L3MBTL2: variants seen among roughly 807,000 people sequenced by gnomAD.
L3MBTL2 encodes the protein lethal(3)malignant brain tumor-like protein 2.
In L3MBTL2, 49 loss-of-function variants were observed where a neutral mutation model predicts 86.4. The ratio of observed to expected loss-of-function variants is 0.57; its 90% confidence interval spans 0.45 to 0.72. The LOEUF (loss-of-function observed/expected upper bound fraction) is 0.72. Among genes scored for constraint, L3MBTL2 ranks in the 30% least tolerant of loss-of-function variants. The pLI is 0.00. For missense variants in L3MBTL2, 755 were observed against 923.7 expected (o/e 0.82, Z 2.37); for synonymous variants, 336 against 350.6 (o/e 0.96, Z 0.47).
chr22:41,211,573 T>TTTTTTTTC (rs758875511), intron 2 of L3MBTL2, among the ~76,000 whole-genome samples: 1 of 139,498 alleles, frequency 7.2e-6, no homozygotes, highest in Admixed American at 7.1e-5. Context: ...TTTTTTTTTT[T>TTTTTTTTC]TGAGACGGAG....
intron 16 of L3MBTL2, 133 bp downstream of exon 16, chr22:41,229,789 T>TG: frequency 2.8e-6 from 4 of 1,432,694 alleles, no homozygotes; most frequent in Non-Finnish European, 3.9e-6. Flanking sequence ...CAAGCAGTCC[T>TG]GTACCACTGG....
At chr22:41,220,112 C>G (rs1264855116) in intron 6 of L3MBTL2, among the ~76,000 whole-genome samples, 1 of 152,050 alleles carries the variant, frequency 6.6e-6, no homozygotes, top group African/African-American at 2.4e-5. Flanking sequence ...ACTTTGGAGG[C>G]AGAGGCAGGA....
At chr22:41,220,078 G>A (rs905460442) in intron 6 of L3MBTL2, among the ~76,000 whole-genome samples, 1 of 152,178 alleles carries the variant, frequency 6.6e-6, no homozygotes, top group African/African-American at 2.4e-5. Context: ...GCCAGGTTTC[G>A]TGGCTCACAC....
intron 1 of L3MBTL2, among the ~76,000 whole-genome samples, chr22:41,207,533 A>G (rs933474926): frequency 6.6e-6 from 1 of 151,922 alleles, no homozygotes. Context: ...CCCAAACCCT[A>G]TGAAATAGGT....
At chr22:41,221,141 C>A in intron 7 of L3MBTL2, 58 bp from the exon 8 acceptor site, 1 of 1,391,686 alleles carries the variant, frequency 7.2e-7, no homozygotes, top group Non-Finnish European at 9.5e-7. Flanking sequence ...GCGCTAGCGC[C>A]CCTGTCAGTG....
At chr22:41,206,392 A>G (rs984215030) in intron 1 of L3MBTL2, among the ~76,000 whole-genome samples, 1 of 152,136 alleles carries the variant, frequency 6.6e-6, no homozygotes, top group Non-Finnish European at 1.5e-5. Context: ...CGTGATGACA[A>G]CGCACTGCAG....
chr22:41,221,183 G>T lies in L3MBTL2; in HGVS notation c.854-16G>T, dbSNP rs577625262. The T allele has an allele frequency of 3.9e-6, 6 of 1,539,600 alleles. No individual in the cohort carries two copies. In the East Asian group the frequency reaches 1.5e-4, roughly 38 times the overall value. On this transcript the variant is annotated splice_polypyrimidine_tract_variant and intron_variant, in intron 7 of 16. Transcript: ENST00000216237. ...TGTCAGTCTGTGTAACCAGGATTCTGCTGGTGCCTCCACAGCCATCCATGC... is the reference window on the plus strand; with the variant it reads ...TGTCAGTCTGTGTAACCAGGATTCTTCTGGTGCCTCCACAGCCATCCATGC...
In L3MBTL2 at chr22:41,225,200, G is replaced by A. The variant is rs1387610218; in HGVS notation, c.1356+129G>A. 1 of 716,496 alleles carries A rather than the reference G, an allele frequency of 1.4e-6. No homozygotes were observed. The highest frequency in any genetic ancestry group is 2.7e-5 in the East Asian group (1 of 37,198). The allele number at this position is 716,496 out of a possible 1,614,324, so 44.4% of individuals were successfully genotyped here. ...AGCCTCTCATCACTGGCTGCACCCA[G>A]AGTCCCTGACTTTTGTGAGTGGGGC... On this transcript the variant is annotated intron_variant, in intron 11 of 16. Coordinates refer to ENST00000216237, the MANE Select transcript of L3MBTL2 (RefSeq NM_031488.5). The surrounding 1 kb of genome is among the most constrained non-coding windows in gnomAD (Gnocchi z 4.1).
chr22:41,217,991 G>A (rs969808030), intron 5 of L3MBTL2: 2 of 152,198 alleles, frequency 1.3e-5, no homozygotes, highest in African/African-American at 4.8e-5. Flanking sequence ...GCTGGAGGGG[G>A]AGCCTCTTTT....
At position 41,217,150 on chromosome 22, in the gene L3MBTL2, A is replaced by C. The variant is rs1421995587; in HGVS notation, c.548A>C (p.Lys183Thr). 5.6e-6 allele frequency: 9 copies of C among 1,613,836 alleles called. No individual in the cohort carries two copies. The highest frequency in any genetic ancestry group is 1.3e-5 in the African/African-American group (1 of 74,916). Residue 183 changes from lysine (K) to threonine (T), a missense_variant, in exon 5 of 17, where the codon AAG becomes ACG. Around this residue, in one of 3 missense-constraint regions of L3MBTL2, gnomAD observed 634 missense variants for 748.9 expected, o/e 0.85. Transcript: ENST00000216237. ...CTGGTCTTGGGCTTCGACTGGGGGA[A>C]GTTCCTGAAGGATCACAGTTACAAG... Reference protein sequence around the residue: ...DALVLGFDWGKFLKDHSYKAA... With the variant: ...DALVLGFDWGTFLKDHSYKAA...
intron 2 of L3MBTL2, among the ~76,000 whole-genome samples, chr22:41,212,876 CAA>C (rs1180231218): frequency 7.3e-6 from 1 of 137,320 alleles, no homozygotes; most frequent in Non-Finnish European, 1.5e-5. Flanking sequence ...TCCTGGGCAA[CAA>C]GAGCAAAACT....
At chr22:41,217,012 G>T (rs922975778) in intron 4 of L3MBTL2, 111 bp from the exon 5 acceptor site, 2 of 766,370 alleles carry the variant, frequency 2.6e-6, no homozygotes, top group African/African-American at 3.5e-5. Context: ...GAGAGGGGCT[G>T]CTGGGGGTGG....
chr22:41,229,928 T>G (rs955428416), intron 16 of L3MBTL2, among the ~76,000 whole-genome samples: 4 of 152,120 alleles, frequency 2.6e-5, no homozygotes, highest in Non-Finnish European at 5.9e-5. Flanking sequence ...GGTGACAGAT[T>G]GGCACATGGC....
At position 41,216,135 on chromosome 22, in the gene L3MBTL2, C is replaced by G. The variant is rs757007045; in HGVS notation, c.397-4C>G. ...CTACACATAGCCTCTGTCCTCCTCT[C>G]CAGGGAAAACCACCGACCAAAAAAG... is the stretch of plus-strand genomic sequence containing the variant. On this transcript the variant is annotated splice_region_variant and splice_polypyrimidine_tract_variant and intron_variant, in intron 3 of 16. Coordinates refer to ENST00000216237, the MANE Select transcript of L3MBTL2 (RefSeq NM_031488.5). The G allele has an allele frequency of 6.2e-7, 1 of 1,612,020 alleles. No homozygotes were observed. Among genetic ancestry groups the G allele is most frequent in the Non-Finnish European group, 8.5e-7 (1 of 1,179,036 alleles).
intron 6 of L3MBTL2, 21 bp from the exon 7 acceptor site, chr22:41,220,713 T>A: frequency 6.3e-7 from 1 of 1,595,330 alleles, no homozygotes; most frequent in Non-Finnish European, 8.6e-7. Context: ...CCCTCACAGG[T>A]GCCCTTTCCT....
intron 12 of L3MBTL2, 44 bp from the exon 13 acceptor site, chr22:41,226,618 T>C: frequency 1.4e-6 from 2 of 1,404,520 alleles, no homozygotes; most frequent in Non-Finnish European, 2.0e-6. Flanking sequence ...GCCCACTTCC[T>C]GCTTCCCCCT....
chr22:41,211,592 TGTCACCCAGGCTGGAATGCAGTGACATGA>T (rs1453132336), intron 2 of L3MBTL2, among the ~76,000 whole-genome samples: 2 of 121,072 alleles, frequency 1.7e-5, no homozygotes, highest in African/African-American at 6.7e-5. Flanking sequence ...AGTCTTGCTC[TGTCACCCAGGCTGGAATGCAGTGACATGA>T]TCTTGGCTCA....
chr22:41,227,846 A>C lies in L3MBTL2; in HGVS notation c.1865A>C (p.Lys622Thr). Residue 622 changes from lysine (K) to threonine (T), a missense_variant, in exon 15 of 17, where the codon AAA becomes ACA. Coordinates refer to ENST00000216237, the MANE Select transcript of L3MBTL2 (RefSeq NM_031488.5). This position sits in a 1 kb window ranked among gnomAD's most constrained non-coding sequence, Gnocchi z 6.0. Reference protein sequence around the residue: ...PLKAKEATKKKKKQFGKKRKR... With the variant: ...PLKAKEATKKTKKQFGKKRKR... ...AAGGCCAAAGAGGCCACAAAGAAGAAAAAGAAACAGTTTGGGAAGAAAAGT... is the reference window on the plus strand; with the variant it reads ...AAGGCCAAAGAGGCCACAAAGAAGACAAAGAAACAGTTTGGGAAGAAAAGT... The C allele has an allele frequency of 1.2e-6, 2 of 1,613,768 alleles. No homozygotes were observed. The highest frequency in any genetic ancestry group is 2.2e-5 in the East Asian group (1 of 44,862).
Position 41,226,761 on chromosome 22 carries a change from G to A in L3MBTL2, c.1587+17G>A, listed in dbSNP as rs779230539. Reference sequence around the variant, plus strand: ...TTTAACATGGTGAGGAGACTGAAGTGGAGCAAGGGGCCTGCGGTGGCCTCA... The same window carrying A: ...TTTAACATGGTGAGGAGACTGAAGTAGAGCAAGGGGCCTGCGGTGGCCTCA... On this transcript the variant is annotated intron_variant, in intron 13 of 16. Transcript: ENST00000216237. The A allele has an allele frequency of 3.1e-6, 5 of 1,591,640 alleles. No individual in the cohort carries two copies. Among genetic ancestry groups the A allele is most frequent in the Admixed American group, 3.4e-5 (2 of 59,410 alleles).
Sources: gnomAD v4.1 joint callset for allele counts (sites outside exome capture counted in the v4.1 genomes callset) on GRCh38, gnomAD v4.1.1 for gene constraint, gnomAD v4.1.1 regional missense constraint, Gnocchi (gnomAD v3.1) non-coding constraint, MANE v1.5 for transcripts, NCBI Gene and HGNC (gene_info 2026-07-23, HGNC 2026-07-21) for gene names.